Variants in HACE1 observed in about 807,000 individuals in gnomAD.
HACE1 encodes E3 ubiquitin-protein ligase HACE1.
HACE1 carries 73 observed loss-of-function variants against 118.4 expected under a neutral mutation model. The observed-to-expected ratio is 0.62, with a 90% CI of 0.51 to 0.75. The LOEUF is 0.75. Ranked by LOEUF, HACE1 falls within the 30% of genes least tolerant of loss-of-function variation. HACE1 has a pLI of 0.00. For missense variants in HACE1, 749 were observed against 1,102.2 expected, an observed-to-expected ratio of 0.68 and a Z score of 4.54; for synonymous variants, 368 against 374.8, an observed-to-expected ratio of 0.98 and a Z score of 0.21.
intron 6 of HACE1, among the ~76,000 whole-genome samples, chr6:104,815,715 A>C (rs1237972258): frequency 7.2e-6 from 1 of 138,544 alleles, no homozygotes; most frequent in Admixed American, 7.1e-5. Flanking sequence ...GACCTGGCTT[A>C]TTCTGAAAGC....
At chr6:104,763,414 C>T (rs1779625696) in intron 19 of HACE1, among the ~76,000 whole-genome samples, 1 of 152,048 alleles carries the variant, frequency 6.6e-6, no homozygotes. Flanking sequence ...TTGGCAATGA[C>T]ACCCAAGTCT....
intron 20 of HACE1, among the ~76,000 whole-genome samples, chr6:104,748,290 G>GA (rs1777658345): frequency 6.6e-6 from 1 of 151,154 alleles, no homozygotes; most frequent in African/African-American, 2.4e-5. Context: ...TACTTAAATA[G>GA]ACACTTTGAA....
At chr6:104,852,228 T>TGTGCGC (rs142463116) in intron 2 of HACE1, 89 bp downstream of exon 2, 9,360 of 657,542 alleles carry the variant, frequency 0.014, 48 homozygotes, top group Non-Finnish European at 0.019. Context: ...TGTGTGTGTG[T>TGTGCGC]GCGCGCGTGC....
At position 104,785,237 on chromosome 6, in the gene HACE1, GT is replaced by G; in HGVS notation, c.1156del (p.Thr386GlnfsTer8). 6.2e-7 allele frequency: 1 copy of G among 1,612,128 alleles called. No homozygotes were observed. The highest frequency in any genetic ancestry group is 8.5e-7 in the Non-Finnish European group (1 of 1,178,246). On this transcript the variant is annotated frameshift_variant, in exon 12 of 24. Transcript: ENST00000262903. LOFTEE classifies it high-confidence loss of function. ...TELMKNKRDS[T>X]EITSILLKQK... ...TTTCAGTAAAATAGAAGTGATCTCT[GT>G]TGAGTCTCTTTTGTTTTTCATCAAT...
intron 14 of HACE1, 59 bp from the exon 15 acceptor site, chr6:104,777,376 ATT>A: frequency 9.9e-7 from 1 of 1,014,808 alleles, no homozygotes; most frequent in Non-Finnish European, 1.6e-6. Context: ...TAATTATCAG[ATT>A]TACTAGCTTG....
chr6:104,831,843 A>G (rs1181001089), intron 6 of HACE1, among the ~76,000 whole-genome samples: 1 of 151,668 alleles, frequency 6.6e-6, no homozygotes, highest in Non-Finnish European at 1.5e-5. Context: ...CAGTGAGCCG[A>G]GATGGCGCCA....
intron 5 of HACE1, among the ~76,000 whole-genome samples, chr6:104,842,047 C>T (rs1775165118): frequency 1.3e-5 from 2 of 152,166 alleles, no homozygotes; most frequent in African/African-American, 4.8e-5. Context: ...AAAATGTTAA[C>T]AGTAATTTTA....
chr6:104,855,245 C>A (rs1776605023), intron 1 of HACE1, among the ~76,000 whole-genome samples: 1 of 152,062 alleles, frequency 6.6e-6, no homozygotes, highest in South Asian at 2.1e-4. Context: ...GAGATCAAGA[C>A]CATCCTGGCT....
chr6:104,859,809 G>A lies in HACE1; in HGVS notation c.-167C>T, dbSNP rs1777142097. ...GCCTGGGGCCACGTCCTGCGTCCGG[G>A]GGCCGGGCTGCTGCCGGACCGACCA... On this transcript the variant is annotated 5_prime_UTR_variant, in exon 1 of 24. Coordinates refer to ENST00000262903, the MANE Select transcript of HACE1 (RefSeq NM_020771.4). 3 of 604,452 alleles carry A rather than the reference G, an allele frequency of 5.0e-6. No homozygotes were observed. Among genetic ancestry groups the A allele is most frequent in the Non-Finnish European group, 8.2e-6 (3 of 365,560 alleles). The allele number at this position is 604,452 out of a possible 1,614,324, so 37.4% of individuals were successfully genotyped here.
intron 19 of HACE1, among the ~76,000 whole-genome samples, chr6:104,763,411 T>C (rs1328303002): frequency 6.6e-6 from 1 of 152,178 alleles, no homozygotes; most frequent in African/African-American, 2.4e-5. Flanking sequence ...ATCTTGGCAA[T>C]GACACCCAAG....
chr6:104,735,885 A>G (rs1775774632), intron 22 of HACE1, among the ~76,000 whole-genome samples: 1 of 152,138 alleles, frequency 6.6e-6, no homozygotes, highest in Non-Finnish European at 1.5e-5. Flanking sequence ...AATTAAAGGA[A>G]GTCCCTAAAA....
At chr6:104,804,067 A>G (rs1040469404) in intron 7 of HACE1, among the ~76,000 whole-genome samples, 6 of 152,176 alleles carry the variant, frequency 3.9e-5, no homozygotes, top group African/African-American at 1.2e-4. Flanking sequence ...TTATACACCA[A>G]TAACAGACAA....
intron 14 of HACE1, among the ~76,000 whole-genome samples, chr6:104,782,744 CA>C (rs1781872801): frequency 6.6e-6 from 1 of 152,144 alleles, no homozygotes; most frequent in Non-Finnish European, 1.5e-5. Flanking sequence ...CATTATTAAA[CA>C]GATGTCAAAA....
At chr6:104,743,059 A>G (rs1313659407) in intron 22 of HACE1, among the ~76,000 whole-genome samples, 2 of 151,632 alleles carry the variant, frequency 1.3e-5, no homozygotes, top group Non-Finnish European at 2.9e-5. Context: ...AACTATCGCA[A>G]GAACAAAAAA....
intron 6 of HACE1, 31 bp downstream of exon 6, chr6:104,833,011 T>A (rs1367725933): frequency 1.3e-6 from 2 of 1,598,066 alleles, no homozygotes; most frequent in South Asian, 1.1e-5. Flanking sequence ...AACAAACACA[T>A]GCAGCTTAAA....
intron 22 of HACE1, among the ~76,000 whole-genome samples, chr6:104,736,076 G>A (rs1287456382): frequency 6.6e-6 from 1 of 151,212 alleles, no homozygotes; most frequent in Non-Finnish European, 1.5e-5. Flanking sequence ...ATTGGAAGTG[G>A]TTTTTTTTCT....
At chr6:104,797,277 T>A (rs1303135434) in intron 7 of HACE1, among the ~76,000 whole-genome samples, 2 of 152,014 alleles carry the variant, frequency 1.3e-5, no homozygotes, top group African/African-American at 4.8e-5. Flanking sequence ...GTCATAATAT[T>A]TTGGGGATAA....
At chr6:104,857,415 C>T (rs2114402013) in intron 1 of HACE1, among the ~76,000 whole-genome samples, 1 of 151,780 alleles carries the variant, frequency 6.6e-6, no homozygotes, top group South Asian at 2.1e-4. Context: ...TCTGGGCACT[C>T]TCGGACTGCT....
At chr6:104,753,525 G>T (rs1288006021) in intron 19 of HACE1, among the ~76,000 whole-genome samples, 4 of 152,178 alleles carry the variant, frequency 2.6e-5, no homozygotes, top group Non-Finnish European at 5.9e-5. Flanking sequence ...CTGGGACAGA[G>T]CTTCCAGAGG....
Sources: gnomAD v4.1 joint callset for allele counts (sites outside exome capture counted in the v4.1 genomes callset) on GRCh38, gnomAD v4.1.1 for gene constraint, MANE v1.5 for transcripts, NCBI Gene and HGNC (gene_info 2026-07-23, HGNC 2026-07-21) for gene names.